DLGAP2: variants seen among roughly 807,000 people sequenced by gnomAD.
DLGAP2 encodes the protein DLG associated protein 2, also known as disks large-associated protein 2.
Under a neutral mutation model 100.3 loss-of-function variants are expected in DLGAP2, and 26 were observed. The ratio of observed to expected loss-of-function variants is 0.26; its 90% CI spans 0.19 to 0.36. The LOEUF is 0.36. Ranked by LOEUF, DLGAP2 falls within the 10% of genes least tolerant of loss-of-function variation. DLGAP2 has a pLI of 1.00. For synonymous variants in DLGAP2, 886 were observed against 630.1 expected (o/e 1.41, Z -6.08); for missense variants, 1,858 against 1,453.2 (o/e 1.28, Z -4.53).
intron 2 of DLGAP2, among the ~76,000 whole-genome samples, chr8:1,076,825 C>T (rs1029478381): frequency 1.3e-5 from 2 of 151,732 alleles, no homozygotes; most frequent in Non-Finnish European, 2.9e-5. Context: ...CCCAGGCCCC[C>T]CCCCAAGACC....
chr8:994,517 G>A (rs531404795), intron 2 of DLGAP2, among the ~76,000 whole-genome samples: 206 of 152,214 alleles, frequency 1.4e-3, no homozygotes, highest in African/African-American at 4.9e-3. Context: ...TTTTAATAAC[G>A]GTTGTCTCTG....
intron 1 of DLGAP2, among the ~76,000 whole-genome samples, chr8:874,798 T>A (rs1310092611): frequency 6.6e-6 from 1 of 152,198 alleles, no homozygotes; most frequent in East Asian, 1.9e-4. Context: ...CTATCCATCA[T>A]TAAGAGTGTG....
rs535645268 is a variant in DLGAP2 at position 1,293,632 on chromosome 8, G to GA, written c.106+34759dup. 2.3e-4 allele frequency among the ~76,000 whole-genome samples: 34 copies of GA among 150,160 alleles called. No homozygotes were observed. In the South Asian group the frequency reaches 3.2e-3, roughly 14 times the overall value. ...CAGCCATTAACCTCCAATTTGAACA[G>GA]AAAAAAAAAATTATCATGCCTGCTG... On this transcript the variant is annotated intron_variant, in intron 3 of 14. Transcript: ENST00000637795.
intron 4 of DLGAP2, among the ~76,000 whole-genome samples, chr8:1,515,410 A>T (rs1396464451): frequency 6.6e-6 from 1 of 151,376 alleles, no homozygotes; most frequent in Non-Finnish European, 1.5e-5. Flanking sequence ...ATGCACACAG[A>T]TGTGCACACA....
chr8:873,031 G>A (rs900943800), intron 1 of DLGAP2, among the ~76,000 whole-genome samples: 6 of 151,904 alleles, frequency 3.9e-5, no homozygotes, highest in African/African-American at 1.5e-4. Flanking sequence ...AGTACTATGT[G>A]CATGTATGCA....
intron 2 of DLGAP2, among the ~76,000 whole-genome samples, chr8:968,750 A>G (rs1269914394): frequency 6.6e-6 from 1 of 152,150 alleles, no homozygotes; most frequent in Non-Finnish European, 1.5e-5. Context: ...TTTCAGCAGC[A>G]TGGTATGTCC....
intron 2 of DLGAP2, among the ~76,000 whole-genome samples, chr8:943,870 T>G (rs558055693): frequency 1.5e-4 from 23 of 152,386 alleles, no homozygotes; most frequent in African/African-American, 5.3e-4. Context: ...GAACAGTGTG[T>G]GCTTAAATTT....
At chr8:1,004,172 C>T (rs982126364) in intron 2 of DLGAP2, among the ~76,000 whole-genome samples, 2 of 152,076 alleles carry the variant, frequency 1.3e-5, no homozygotes, top group Non-Finnish European at 2.9e-5. Flanking sequence ...AGAATTGTTC[C>T]TACAAATGGA....
At chr8:1,170,188 T>C (rs1338998384) in intron 2 of DLGAP2, among the ~76,000 whole-genome samples, 1 of 152,242 alleles carries the variant, frequency 6.6e-6, no homozygotes, top group South Asian at 2.1e-4. Context: ...ATTACATTTA[T>C]TGATTTGCGT....
chr8:742,085 G>T (rs1327182482), intron 1 of DLGAP2, among the ~76,000 whole-genome samples: 8 of 152,192 alleles, frequency 5.3e-5, no homozygotes, highest in Non-Finnish European at 1.0e-4. Flanking sequence ...TAAACCAGGA[G>T]ATTGTTTCTT....
intron 2 of DLGAP2, among the ~76,000 whole-genome samples, chr8:1,071,032 C>T (rs1182149002): frequency 6.6e-6 from 1 of 152,182 alleles, no homozygotes; most frequent in Non-Finnish European, 1.5e-5. Context: ...TCAGCGCCGG[C>T]ACCTCACTGA....
chr8:748,793 C>T (rs553663920), intron 1 of DLGAP2, among the ~76,000 whole-genome samples: 33 of 152,306 alleles, frequency 2.2e-4, no homozygotes, highest in African/African-American at 5.5e-4. Context: ...CCAGTGGCTT[C>T]CCAGTGGACA....
At chr8:1,617,036 C>T (rs575867490) in intron 6 of DLGAP2, among the ~76,000 whole-genome samples, 18 of 152,328 alleles carry the variant, frequency 1.2e-4, no homozygotes, top group Middle Eastern at 6.8e-3. Context: ...CCTCCAGCTC[C>T]ATCCATGTTG....
rs1003680129 is a variant in DLGAP2 at position 1,548,889 on chromosome 8, G to A, written c.436G>A (p.Val146Met). 1 of 1,596,876 alleles carries A rather than the reference G, an allele frequency of 6.3e-7. No individual in the cohort carries two copies. Among genetic ancestry groups the A allele is most frequent in the Non-Finnish European group, 8.5e-7 (1 of 1,178,150 alleles). Residue 146 changes from valine to methionine, a missense_variant, in exon 5 of 15, where the codon GTG becomes ATG. Physicochemically the swap from Val to Met is conservative, Grantham distance 21. Transcript: ENST00000637795. The part of the protein sequence containing the change: ...SPRSSVHSEC[V>M]MMPVVLGDHV... ...GCGCAGCTCGGTGCACTCGGAGTGC[G>A]TGATGATGCCGGTGGTGCTGGGCGA...
At chr8:1,682,949 T>G (rs188259754) in intron 12 of DLGAP2, among the ~76,000 whole-genome samples, 3 of 151,694 alleles carry the variant, frequency 2.0e-5, no homozygotes, top group Admixed American at 6.6e-5. Context: ...TTTTTACCTT[T>G]TTTGAGCCAT....
At chr8:1,558,234 G>A (rs1291871833) in intron 5 of DLGAP2, among the ~76,000 whole-genome samples, 1 of 152,214 alleles carries the variant, frequency 6.6e-6, no homozygotes, top group African/African-American at 2.4e-5. Flanking sequence ...GGAGCTGGAC[G>A]GGGCCAAAGG....
At chr8:1,320,843 G>C (rs926208958) in intron 3 of DLGAP2, among the ~76,000 whole-genome samples, 1 of 152,200 alleles carries the variant, frequency 6.6e-6, no homozygotes, top group Non-Finnish European at 1.5e-5. Flanking sequence ...GTGTGTGCAC[G>C]TGTGTTTCTC....
rs534956998 is a variant in DLGAP2 at position 935,697 on chromosome 8, A to C, written c.73+27731A>C. Among the ~76,000 whole-genome samples, 426 of 151,884 alleles carry C rather than the reference A, an allele frequency of 2.8e-3. 1 individual carries two copies. Among genetic ancestry groups the C allele is most frequent in the African/African-American group, 1.0e-2 (413 of 41,374 alleles). On this transcript the variant is annotated intron_variant, in intron 2 of 14. Transcript: ENST00000637795. ...TCGTGTCTAAGTGTGTTTCCTTCAC[A>C]AGATCTCTACACCCCAGCAGCCCAG...
rs532246073 is a variant in DLGAP2 at position 761,079 on chromosome 8, A to G, written c.18+23254A>G. Among the ~76,000 whole-genome samples the G allele has an allele frequency of 4.6e-5, 7 of 152,212 alleles. No homozygotes were observed. The South Asian group carries it at 1.5e-3, about 32-fold the overall frequency. ...TTGCCTGTGCCGGGCGCCGTTCTGA[A>G]CCATTCGCTCTCTGCACGTCGCTTG... is the stretch of plus-strand genomic sequence containing the variant. On this transcript the variant is annotated intron_variant, in intron 1 of 14. Transcript: ENST00000637795.
Sources: allele counts gnomAD v4.1 joint callset (sites outside exome capture counted in the v4.1 genomes callset), GRCh38; gene constraint gnomAD v4.1.1; transcripts MANE v1.5; gene names NCBI Gene and HGNC (gene_info 2026-07-23, HGNC 2026-07-21).